Variants in N4BP2 observed in about 807,000 individuals in gnomAD.
N4BP2 encodes NEDD4-binding protein 2.
In N4BP2, 91 loss-of-function variants were observed where a neutral mutation model predicts 152.8. The ratio of observed to expected loss-of-function variants is 0.60; its 90% CI spans 0.50 to 0.71. The LOEUF is 0.71. Among genes scored for constraint, N4BP2 ranks in the 30% least tolerant of loss-of-function variants. N4BP2 has a pLI of 0.00. For synonymous variants in N4BP2, 646 were observed against 705.3 expected (o/e 0.92, Z 1.33); for missense variants, 1,923 against 2,059.1 (o/e 0.93, Z 1.28).
At chr4:40,060,407 G>A (rs981171121) in intron 1 of N4BP2, among the ~76,000 whole-genome samples, 3 of 151,950 alleles carry the variant, frequency 2.0e-5, no homozygotes, top group Non-Finnish European at 2.9e-5. Context: ...ATCACGCCCG[G>A]CTAATGTTTT....
chr4:40,140,467 C>T (rs1456517819), intron 14 of N4BP2, among the ~76,000 whole-genome samples: 1 of 152,100 alleles, frequency 6.6e-6, no homozygotes, highest in Non-Finnish European at 1.5e-5. Context: ...TGTGCTTGCT[C>T]AAAGTGGGAG....
intron 1 of N4BP2, among the ~76,000 whole-genome samples, chr4:40,067,116 G>C (rs1432557495): frequency 6.9e-6 from 1 of 144,556 alleles, no homozygotes; most frequent in African/African-American, 2.6e-5. Context: ...GGAGTGCAGT[G>C]GTGTGATCAT....
In N4BP2 at chr4:40,126,330, G is replaced by T; in HGVS notation, c.4527G>T (p.Leu1509Phe). Residue 1509 changes from leucine to phenylalanine, a missense_variant and splice_region_variant, in exon 12 of 18, where the codon TTG becomes TTT. Transcript: ENST00000261435. The stretch of plus-strand genomic sequence containing the variant: ...TTGCCTTACAGGAAAAACATAATTT[G>T]GTATGAATTAATATAAATATTAAGC... ...EEIALQEKHN[L>F]KRETLMFEKD... 3 of 1,425,552 alleles carry T rather than the reference G, an allele frequency of 2.1e-6. No homozygotes were observed. The highest frequency in any genetic ancestry group is 2.6e-5 in the South Asian group (2 of 76,322). The allele number at this position is 1,425,552 out of a possible 1,614,324, so 88.3% of individuals were successfully genotyped here. A position where few individuals can be genotyped will look rare whatever the true frequency, so the allele number is the denominator to read the frequency against.
intron 7 of N4BP2, among the ~76,000 whole-genome samples, chr4:40,115,080 GCTT>G (rs1717224374): frequency 6.6e-6 from 1 of 151,970 alleles, no homozygotes; most frequent in Admixed American, 6.6e-5. Context: ...ATTAATTTCT[GCTT>G]CTCATTATTC....
intron 4 of N4BP2, among the ~76,000 whole-genome samples, chr4:40,106,587 C>T (rs1716314528): frequency 6.6e-6 from 1 of 152,090 alleles, no homozygotes; most frequent in African/African-American, 2.4e-5. Context: ...CTTGCTCTGT[C>T]TCCCAGGCTG....
rs768624274 is a variant in N4BP2 at position 40,123,102 on chromosome 4, T to G, written c.4199-25T>G. On this transcript the variant is annotated intron_variant, in intron 9 of 17. Coordinates refer to ENST00000261435, the MANE Select transcript of N4BP2 (RefSeq NM_018177.6). ...TATATAATGAGTAATGATTACATTT[T>G]CTTCCCTCCCCCTTCCCCCACAAGG... 2.0e-6 allele frequency: 3 copies of G among 1,477,446 alleles called. 1 individual carries two copies. The South Asian group carries it at 3.5e-5, about 17-fold the overall frequency. The allele number at this position is 1,477,446 out of a possible 1,614,324, so 91.5% of individuals were successfully genotyped here. A position where few individuals can be genotyped will look rare whatever the true frequency, so the allele number is the denominator to read the frequency against.
intron 1 of N4BP2, among the ~76,000 whole-genome samples, chr4:40,067,407 ATT>A (rs368006880): frequency 9.5e-4 from 129 of 135,720 alleles, no homozygotes; most frequent in African/African-American, 3.3e-3. Flanking sequence ...TATGTACCAC[ATT>A]TTTTTTTTTA....
intron 5 of N4BP2, 98 bp downstream of exon 5, chr4:40,107,122 C>CCCTGTCTCAAAA: frequency 1.5e-6 from 2 of 1,297,156 alleles, no homozygotes; most frequent in Non-Finnish European, 2.2e-6. Context: ...TTTTTTGAGA[C>CCCTGTCTCAAAA]AGGGTCTCGC....
chr4:40,166,275 G>A, the N4BP2 span, among the ~76,000 whole-genome samples: 1 of 152,210 alleles, frequency 6.6e-6, no homozygotes, highest in Non-Finnish European at 1.5e-5. Context: ...AAACTGAACA[G>A]CAGGCTATCT....
rs1028712259 is a variant in N4BP2, at chr4:40,154,470, T to C, written c.*233T>C. On this transcript the variant is annotated 3_prime_UTR_variant, in exon 18 of 18. Coordinates refer to ENST00000261435, the MANE Select transcript of N4BP2 (RefSeq NM_018177.6). ...CAGAGAAATTTTATTGATTACAAAATATGTAAGAAAATTATCAGCTACAGT... is the reference window on the plus strand; with the variant it reads ...CAGAGAAATTTTATTGATTACAAAACATGTAAGAAAATTATCAGCTACAGT... 1.7e-5 allele frequency: 7 copies of C among 410,010 alleles called. No homozygotes were observed. The highest frequency in any genetic ancestry group is 1.3e-4 in the African/African-American group (6 of 47,430). The allele number at this position is 410,010 out of a possible 1,614,324, so 25.4% of individuals were successfully genotyped here.
chr4:40,148,153 T>C (rs920471746), intron 16 of N4BP2, among the ~76,000 whole-genome samples: 2 of 152,208 alleles, frequency 1.3e-5, no homozygotes, highest in Non-Finnish European at 2.9e-5. Flanking sequence ...CATTCCAGCC[T>C]GGGCACCAAT....
intron 7 of N4BP2, 111 bp downstream of exon 7, chr4:40,113,619 A>T (rs4974962): frequency 0.32 from 239,846 of 754,940 alleles, 39,916 homozygotes; most frequent in South Asian, 0.47. Context: ...TTGTAACTTA[A>T]TTTCTATTGC....
chr4:40,093,703 G>C (rs1469251242), intron 2 of N4BP2, among the ~76,000 whole-genome samples: 1 of 152,126 alleles, frequency 6.6e-6, no homozygotes, highest in Non-Finnish European at 1.5e-5. Flanking sequence ...TGTAACCTCT[G>C]CTTCCTGGGT....
rs1348415426 is a variant in N4BP2, at chr4:40,099,976, C to T, written c.230-2099C>T. ...CTGTCCTTTGTAGTATTGCTATGAT[C>T]TCCTAATTGGTCTCTGCCAGGCTTG... On this transcript the variant is annotated intron_variant, in intron 3 of 17. Transcript: ENST00000261435. 4 of 361,586 alleles carry T rather than the reference C, an allele frequency of 1.1e-5. No homozygotes were observed. In the East Asian group the frequency reaches 4.2e-4, roughly 38 times the overall value. 22.4% of individuals were successfully genotyped at this position (361,586 alleles called of 1,614,324 possible). A position where few individuals can be genotyped will look rare whatever the true frequency, so the allele number is the denominator to read the frequency against.
At chr4:40,119,245 T>C (rs1329437997) in intron 8 of N4BP2, among the ~76,000 whole-genome samples, 1 of 152,132 alleles carries the variant, frequency 6.6e-6, no homozygotes, top group Non-Finnish European at 1.5e-5. Context: ...AACTCAGCGT[T>C]AGGTATGATT....
the N4BP2 span, among the ~76,000 whole-genome samples, chr4:40,165,871 C>T: frequency 6.6e-6 from 1 of 152,150 alleles, no homozygotes; most frequent in Non-Finnish European, 1.5e-5. Flanking sequence ...TTCTTATATT[C>T]CGTAGATACC....
At chr4:40,182,420 A>G in the N4BP2 span, among the ~76,000 whole-genome samples, 1 of 152,156 alleles carries the variant, frequency 6.6e-6, no homozygotes, top group Non-Finnish European at 1.5e-5. Flanking sequence ...CCTTCCAGGG[A>G]TGTAAGCTAA....
At chr4:40,147,577 G>A (rs1579146751) in intron 16 of N4BP2, among the ~76,000 whole-genome samples, 1 of 148,736 alleles carries the variant, frequency 6.7e-6, no homozygotes, top group Non-Finnish European at 1.5e-5. Flanking sequence ...GCGGCTGGCC[G>A]GGTGGGGGCT....
intron 1 of N4BP2, among the ~76,000 whole-genome samples, chr4:40,065,382 C>T (rs1733965754): frequency 6.6e-6 from 1 of 152,128 alleles, no homozygotes; most frequent in Non-Finnish European, 1.5e-5. Context: ...AAATTATTGA[C>T]TGGAGTCACA....
Sources: allele counts gnomAD v4.1 joint callset (sites outside exome capture counted in the v4.1 genomes callset), GRCh38; gene constraint gnomAD v4.1.1; transcripts MANE v1.5; gene names NCBI Gene and HGNC (gene_info 2026-07-23, HGNC 2026-07-21).